Variants in ATP11A observed in about 807,000 individuals in gnomAD.
The protein encoded by ATP11A is phospholipid-transporting ATPase IH.
A neutral mutation model predicts 154.4 loss-of-function variants in ATP11A; 81 were observed. The observed-to-expected ratio is 0.52, with a 90% CI of 0.44 to 0.63. The LOEUF (loss-of-function observed/expected upper bound fraction) is 0.63. Among genes scored for constraint, ATP11A ranks in the 30% least tolerant of loss-of-function variants. ATP11A has a pLI of 0.00. For missense variants in ATP11A, 1,316 were observed against 1,474.3 expected (o/e 0.89, Z 1.76); for synonymous variants, 623 against 585.9 (o/e 1.06, Z -0.91).
chr13:112,858,353 C>G, intron 22 of ATP11A, 63 bp downstream of exon 22: 1 of 1,525,182 alleles, frequency 6.6e-7, no homozygotes, highest in South Asian at 1.3e-5. Flanking sequence ...GTGGCACGAC[C>G]CTTGTCTGAG....
chr13:112,862,289 C>T (rs758507301), intron 24 of ATP11A, 151 bp from the exon 25 acceptor site: 12 of 907,100 alleles, frequency 1.3e-5, no homozygotes, highest in African/African-American at 1.7e-5. Context: ...GAACATGCCA[C>T]ATTTGTGGCC....
chr13:112,827,285 G>T (rs1245858146), intron 12 of ATP11A, among the ~76,000 whole-genome samples: 1 of 152,238 alleles, frequency 6.6e-6, no homozygotes, highest in Non-Finnish European at 1.5e-5. Flanking sequence ...TGACTTGGTG[G>T]ATTGCAAAGA....
rs202147988 is a variant in ATP11A at position 112,704,689 on chromosome 13, AC to A, written c.39+14237del. Among the ~76,000 whole-genome samples, 254 of 152,360 alleles carry A rather than the reference AC, an allele frequency of 1.7e-3. 5 individuals carry two copies. The East Asian group carries it at 0.031, about 19-fold the overall frequency. Reference sequence around the variant, plus strand: ...ACCTGCTCAGGGACAGGAGCAGCTCACCCATTTCCTTCATTCTTTCTGGCTT... The same window carrying A: ...ACCTGCTCAGGGACAGGAGCAGCTCACCATTTCCTTCATTCTTTCTGGCTT... On this transcript the variant is annotated intron_variant, in intron 1 of 29. Coordinates refer to ENST00000375645, the MANE Select transcript of ATP11A (RefSeq NM_015205.3).
rs1885297418 is a variant in ATP11A, at chr13:112,692,368, C to T, written c.39+1913C>T. ...AGATGGATGGGCCAGCCCGGCTCACCCTTTGGAGAATCCCCCCTTCCCAGC... is the reference window on the plus strand; with the variant it reads ...AGATGGATGGGCCAGCCCGGCTCACTCTTTGGAGAATCCCCCCTTCCCAGC... On this transcript the variant is annotated intron_variant, in intron 1 of 29. Coordinates refer to ENST00000375645, the MANE Select transcript of ATP11A (RefSeq NM_015205.3). Among the ~76,000 whole-genome samples the T allele has an allele frequency of 3.3e-5, 5 of 152,168 alleles. No individual in the cohort carries two copies. The South Asian group carries it at 1.0e-3, about 32-fold the overall frequency.
intron 4 of ATP11A, among the ~76,000 whole-genome samples, chr13:112,810,357 A>G (rs1240464180): frequency 1.3e-5 from 2 of 152,246 alleles, no homozygotes; most frequent in Non-Finnish European, 2.9e-5. Context: ...TAGTACTTAT[A>G]CACACTTCGA....
At position 112,873,558 on chromosome 13, in the gene ATP11A, T is replaced by A; in HGVS notation, c.3058-15T>A. 6.3e-7 allele frequency: 1 copy of A among 1,581,620 alleles called. No homozygotes were observed. Among genetic ancestry groups the A allele is most frequent in the Non-Finnish European group, 8.6e-7 (1 of 1,167,348 alleles). On this transcript the variant is annotated splice_polypyrimidine_tract_variant and intron_variant, in intron 26 of 29. Transcript: ENST00000375645. ...CAGATGACACCGTTAACTGCCCTTT[T>A]TTTTTTCCTTTTAGCTTGCATTGGA... is the stretch of plus-strand genomic sequence containing the variant.
rs369473123 is a variant in ATP11A at position 112,875,836 on chromosome 13, C to T, written c.3222C>T (p.Pro1074=). ...TCATCCAGATGCTGTCCAGCGGGCCCGCCTGGCTGGCCATCGTGCTGCTGG... is the reference window on the plus strand; with the variant it reads ...TCATCCAGATGCTGTCCAGCGGGCCTGCCTGGCTGGCCATCGTGCTGCTGG... ...YVFIQMLSSG[P]AWLAIVLLVT... Residue 1074 remains proline, a synonymous_variant, in exon 28 of 30, where the codon CCC becomes CCT. Coordinates refer to ENST00000375645, the MANE Select transcript of ATP11A (RefSeq NM_015205.3). The surrounding 1 kb of genome is among the most constrained non-coding windows in gnomAD (Gnocchi z 4.1). 108 of 1,613,902 alleles carry T rather than the reference C, an allele frequency of 6.7e-5. No individual in the cohort carries two copies. The highest frequency in any genetic ancestry group is 8.6e-5 in the Non-Finnish European group (102 of 1,180,054).
chr13:112,795,954 A>G (rs55959784), intron 2 of ATP11A, among the ~76,000 whole-genome samples: 6,939 of 152,312 alleles, frequency 0.046, 204 homozygotes, highest in Middle Eastern at 0.085. Flanking sequence ...TCTGAAGTCT[A>G]TGTGTTTCAT....
At chr13:112,717,556 T>C (rs1481257589) in intron 1 of ATP11A, 3 of 152,260 alleles carry the variant, frequency 2.0e-5, no homozygotes, top group African/African-American at 4.8e-5. Context: ...ATGTACAACC[T>C]TCACATTGTA....
Position 112,886,703 on chromosome 13 carries a change from A to G in ATP11A, c.*4837A>G, listed in dbSNP as rs1318707049. On this transcript the variant is annotated 3_prime_UTR_variant, in exon 30 of 30. Transcript: ENST00000375645. ...ATATAGCTTTATTTTTTACTTTATC[A>G]AAGTATACAGAATTTTAATATGCAT... 1 of 152,616 alleles carries G rather than the reference A, an allele frequency of 6.6e-6. No individual in the cohort carries two copies. The highest frequency in any genetic ancestry group is 1.5e-5 in the Non-Finnish European group (1 of 68,042). 9.5% of individuals were successfully genotyped at this position (152,616 alleles called of 1,614,324 possible). A position where few individuals can be genotyped will look rare whatever the true frequency, so the allele number is the denominator to read the frequency against.
chr13:112,849,583 C>G (rs2079704253), intron 17 of ATP11A, among the ~76,000 whole-genome samples: 1 of 152,172 alleles, frequency 6.6e-6, no homozygotes, highest in Non-Finnish European at 1.5e-5. Flanking sequence ...GTTTTATTGC[C>G]TCTTAGGAAA....
chr13:112,867,576 C>G (rs146647300), intron 25 of ATP11A, among the ~76,000 whole-genome samples: 1 of 152,338 alleles, frequency 6.6e-6, no homozygotes, highest in East Asian at 1.9e-4. Flanking sequence ...TCCCTGGACC[C>G]CTGGCGTGTC....
At chr13:112,725,772 G>A (rs757194187) in intron 1 of ATP11A, among the ~76,000 whole-genome samples, 41 of 152,232 alleles carry the variant, frequency 2.7e-4, no homozygotes, top group Non-Finnish European at 3.2e-4. Context: ...TAAGGACAAC[G>A]TCCCTGAGGG....
intron 2 of ATP11A, among the ~76,000 whole-genome samples, chr13:112,786,735 G>A (rs961449582): frequency 3.3e-5 from 5 of 152,258 alleles, no homozygotes; most frequent in Admixed American, 2.0e-4. Flanking sequence ...CCACGCACAC[G>A]CGTGGACGGG....
intron 7 of ATP11A, 86 bp from the exon 8 acceptor site, chr13:112,819,814 G>GC: frequency 7.0e-7 from 1 of 1,424,020 alleles, no homozygotes; most frequent in Non-Finnish European, 9.9e-7. Flanking sequence ...AAGACGTGTG[G>GC]CTCACAGAAG....
Position 112,838,552 on chromosome 13 carries a change from G to T in ATP11A, c.1705+2301G>T. On this transcript the variant is annotated intron_variant, in intron 16 of 29. Coordinates refer to ENST00000375645, the MANE Select transcript of ATP11A (RefSeq NM_015205.3). This position sits in a 1 kb window ranked among gnomAD's most constrained non-coding sequence, Gnocchi z 7.3. ...TGGCCCTGCCACACGCTCACAAGGGGTTTTTGCTGCATCCTGAATGCCCAA... is the reference window on the plus strand; with the variant it reads ...TGGCCCTGCCACACGCTCACAAGGGTTTTTTGCTGCATCCTGAATGCCCAA... Among the ~76,000 whole-genome samples the T allele has an allele frequency of 6.6e-6, 1 of 152,210 alleles. No individual in the cohort carries two copies. Among genetic ancestry groups the T allele is most frequent in the Non-Finnish European group, 1.5e-5 (1 of 68,034 alleles).
At chr13:112,735,264 G>A (rs1890880701) in intron 1 of ATP11A, among the ~76,000 whole-genome samples, 1 of 152,182 alleles carries the variant, frequency 6.6e-6, no homozygotes, top group South Asian at 2.1e-4. Flanking sequence ...TTTCAAGAAT[G>A]TTGAGATTGA....
rs1490720199 is a variant in ATP11A at position 112,696,747 on chromosome 13, G to C, written c.39+6292G>C. On this transcript the variant is annotated intron_variant, in intron 1 of 29. Transcript: ENST00000375645. This position sits in a 1 kb window ranked among gnomAD's most constrained non-coding sequence, Gnocchi z 6.2. ...CTCCCTCGGGCCCCTCTCTGCCCTT[G>C]CCCTCCACCTCAGCGACTCCGTGGG... The C allele has an allele frequency of 6.6e-6, 1 of 152,370 alleles. No individual in the cohort carries two copies. Among genetic ancestry groups the C allele is most frequent in the Non-Finnish European group, 1.5e-5 (1 of 68,206 alleles). The allele number at this position is 152,370 out of a possible 1,614,324, so 9.4% of individuals were successfully genotyped here. A position where few individuals can be genotyped will look rare whatever the true frequency, so the allele number is the denominator to read the frequency against.
Position 112,785,185 on chromosome 13 carries a change from CAG to C in ATP11A, c.91_92del (p.Arg31GlyfsTer36). ...ACAGCAGGACCATCTACGTGGGACA[CAG>C]GGAGCCACCTCCGGGCGCAGAGGCC... ...VDSRTIYVGH[R>X]EPPPGAEAYI... On this transcript the variant is annotated frameshift_variant, in exon 2 of 30. Transcript: ENST00000375645. LOFTEE classifies it high-confidence loss of function. The surrounding 1 kb of genome is among the most constrained non-coding windows in gnomAD (Gnocchi z 4.8). 1 of 1,579,050 alleles carries C rather than the reference CAG, an allele frequency of 6.3e-7. No homozygotes were observed. Among genetic ancestry groups the C allele is most frequent in the Non-Finnish European group, 8.6e-7 (1 of 1,163,040 alleles).
Sources: gnomAD v4.1 joint callset for allele counts (sites outside exome capture counted in the v4.1 genomes callset) on GRCh38, gnomAD v4.1.1 for gene constraint, Gnocchi (gnomAD v3.1) non-coding constraint, MANE v1.5 for transcripts, NCBI Gene and HGNC (gene_info 2026-07-23, HGNC 2026-07-21) for gene names.